The following ABCC2 variants were observed in gnomAD, a reference collection of about 807,000 sequenced individuals.
The protein encoded by ABCC2 is ATP binding cassette subfamily C member 2.
ABCC2 carries 157 observed loss-of-function variants against 173.4 expected under a neutral mutation model. The ratio of observed to expected loss-of-function variants is 0.91; its 90% CI spans 0.80 to 1.03. The LOEUF (loss-of-function observed/expected upper bound fraction) is 1.03. Among genes scored for constraint, ABCC2 ranks in the 50% least tolerant of loss-of-function variants. The probability of loss-of-function intolerance (pLI) is 0.00; values close to 1 mark genes in which losing one functional copy is unlikely to be tolerated. For missense variants in ABCC2, 1,822 were observed against 1,852.3 expected (o/e 0.98, Z 0.30); for synonymous variants, 657 against 693.5 (o/e 0.95, Z 0.83).
At chr10:99,799,735 G>T (rs1209741254) in intron 8 of ABCC2, among the ~76,000 whole-genome samples, 1 of 152,160 alleles carries the variant, frequency 6.6e-6, no homozygotes, top group Non-Finnish European at 1.5e-5. Flanking sequence ...GGAGGTTCAG[G>T]TTAATCTTGA....
chr10:99,844,211 G>A, intron 27 of ABCC2, 111 bp from the exon 28 acceptor site: 3 of 1,333,708 alleles, frequency 2.2e-6, no homozygotes, highest in Non-Finnish European at 3.2e-6. Flanking sequence ...AGGCCATTAG[G>A]TAGCTGGGAC....
intron 30 of ABCC2, among the ~76,000 whole-genome samples, chr10:99,849,472 A>T (rs931491861): frequency 1.8e-4 from 28 of 152,316 alleles, no homozygotes; most frequent in African/African-American, 6.7e-4. Flanking sequence ...AAGCTGAGAG[A>T]TGCTTAAATG....
intron 7 of ABCC2, among the ~76,000 whole-genome samples, 168 bp from the exon 8 acceptor site, chr10:99,799,039 G>C (rs2037967284): frequency 1.3e-5 from 2 of 152,088 alleles, no homozygotes; most frequent in Admixed American, 1.3e-4. Flanking sequence ...AGGAGCGGGA[G>C]AGTGGAACAG....
intron 14 of ABCC2, 30 bp from the exon 15 acceptor site, chr10:99,811,506 T>C (rs374867212): frequency 8.7e-6 from 14 of 1,612,618 alleles, no homozygotes; most frequent in East Asian, 2.2e-5. Context: ...GGGACCTACA[T>C]TGGACTAAAA....
chr10:99,802,147 C>T (rs891983256), intron 9 of ABCC2, among the ~76,000 whole-genome samples: 1 of 150,508 alleles, frequency 6.6e-6, no homozygotes, highest in African/African-American at 2.5e-5. Context: ...CCAGGTTTTG[C>T]AACTATTACA....
In ABCC2 at chr10:99,828,407, A is replaced by T. The variant is rs185391914; in HGVS notation, c.2621-1900A>T. On this transcript the variant is annotated intron_variant, in intron 19 of 31. Transcript: ENST00000647814. ...GGTTCTGTGTATGAGTTTCCTAATT[A>T]GCTGCCTTAACAACACATCACAAAC... Among the ~76,000 whole-genome samples the T allele has an allele frequency of 3.8e-3, 585 of 152,290 alleles. 3 individuals are homozygous for T. Among genetic ancestry groups the T allele is most frequent in the Admixed American group, 3.3e-3 (50 of 15,300 alleles).
chr10:99,833,376 G>T (rs139705295), intron 23 of ABCC2, among the ~76,000 whole-genome samples: 1 of 152,264 alleles, frequency 6.6e-6, no homozygotes, highest in African/African-American at 2.4e-5. Context: ...AGTTACTTAG[G>T]CAACAGTCAT....
rs774840563 is a variant in ABCC2 at position 99,808,064 on chromosome 10, A to G, written c.1669-19A>G. 16 of 1,613,782 alleles carry G rather than the reference A, an allele frequency of 9.9e-6. No individual in the cohort carries two copies. The highest frequency in any genetic ancestry group is 1.4e-5 in the Non-Finnish European group (16 of 1,179,836). On this transcript the variant is annotated intron_variant, in intron 12 of 31. Transcript: ENST00000647814. ...GGTCCCTTTTAGGAATAAATTGCTC[A>G]TGACCTTGCCCTTTCCAGGTATCTG...
Position 99,813,020 on chromosome 10 carries a change from T to G in ABCC2, c.1970T>G (p.Val657Gly), listed in dbSNP as rs780712119. 6.2e-7 allele frequency: 1 copy of G among 1,613,922 alleles called. No individual in the cohort carries two copies. The highest frequency in any genetic ancestry group is 8.5e-7 in the Non-Finnish European group (1 of 1,179,828). Residue 657 changes from valine to glycine, a missense_variant and splice_region_variant, in exon 16 of 32, where the codon GTG becomes GGG. Coordinates refer to ENST00000647814, the MANE Select transcript of ABCC2 (RefSeq NM_000392.5). Reference sequence around the variant, plus strand: ...TCAAAGACATTCCTGTCTTTCAGTGTGAACCTGGACATTATGGCAGGCCAA... The same window carrying G: ...TCAAAGACATTCCTGTCTTTCAGTGGGAACCTGGACATTATGGCAGGCCAA... Reference protein sequence around the residue: ...EHDSEATVRDVNLDIMAGQLV... With the variant: ...EHDSEATVRDGNLDIMAGQLV...
At chr10:99,797,429 T>A in intron 7 of ABCC2, 98 bp downstream of exon 7, 1 of 1,044,632 alleles carries the variant, frequency 9.6e-7, no homozygotes, top group Non-Finnish European at 1.5e-6. Context: ...TTATAGCACT[T>A]CATACTTCTC....
chr10:99,806,992 A>G (rs1263689143), intron 11 of ABCC2, among the ~76,000 whole-genome samples: 3 of 152,228 alleles, frequency 2.0e-5, no homozygotes, highest in Non-Finnish European at 4.4e-5. Context: ...AAAGTTTGGC[A>G]AGGTTCCCTT....
intron 2 of ABCC2, among the ~76,000 whole-genome samples, chr10:99,791,099 A>G (rs2037804360): frequency 6.6e-6 from 1 of 152,086 alleles, no homozygotes; most frequent in Non-Finnish European, 1.5e-5. Context: ...ACAAATACTG[A>G]TTGGCATTGT....
chr10:99,800,513 A>C lies in ABCC2; in HGVS notation c.1159A>C (p.Lys387Gln). The C allele has an allele frequency of 6.2e-7, 1 of 1,614,170 alleles. No individual in the cohort carries two copies. Among genetic ancestry groups the C allele is most frequent in the Non-Finnish European group, 8.5e-7 (1 of 1,180,036 alleles). The change falls in exon 9 of 32, where the codon AAG becomes CAG. Residue 387 changes from lysine to glutamine, a missense_variant. Coordinates refer to ENST00000647814, the MANE Select transcript of ABCC2 (RefSeq NM_000392.5). ...CLQCYFQLCFKLGVKVRTAIM... is the reference protein window; with the variant it reads ...CLQCYFQLCFQLGVKVRTAIM... ...TCAGTGTTATTTCCAACTGTGCTTC[A>C]AGCTGGGTGTAAAAGTACGGACAGC...
chr10:99,783,739 C>T (rs1482198774), intron 1 of ABCC2, among the ~76,000 whole-genome samples: 1 of 152,116 alleles, frequency 6.6e-6, no homozygotes, highest in Non-Finnish European at 1.5e-5. Flanking sequence ...TTAGAAAGGA[C>T]CTGGGTCCCA....
Position 99,843,790 on chromosome 10 carries a change from T to G in ABCC2, c.3742-9T>G, listed in dbSNP as rs757127168. ...TATGATGATTTTCAGTCTTCTGGTT[T>G]TTCTGTAGATCACACAAACCCTGAA... On this transcript the variant is annotated splice_polypyrimidine_tract_variant and intron_variant, in intron 26 of 31. Coordinates refer to ENST00000647814, the MANE Select transcript of ABCC2 (RefSeq NM_000392.5). 3.1e-6 allele frequency: 5 copies of G among 1,612,532 alleles called. No individual in the cohort carries two copies. The highest frequency in any genetic ancestry group is 4.2e-6 in the Non-Finnish European group (5 of 1,178,564).
intron 24 of ABCC2, 133 bp downstream of exon 24, chr10:99,834,668 A>C (rs2038790913): frequency 1.1e-5 from 12 of 1,096,698 alleles, no homozygotes; most frequent in Non-Finnish European, 1.7e-5. Flanking sequence ...CCATTTAGTC[A>C]TATGTTGACA....
In ABCC2 at chr10:99,784,765, T is replaced by G. The variant is rs1321894236; in HGVS notation, c.191T>G (p.Leu64Arg). ...ACCAAGAGATCCTCTACCACCAAAC[T>G]CTATCTTGCTAAGCAGGTAAAGTTA... ...SRTKRSSTTK[L>R]YLAKQVFVGF... The change falls in exon 2 of 32, where the codon CTC becomes CGC. Residue 64 changes from leucine (L) to arginine (R), a missense_variant. By Grantham distance (102) the Leu-to-Arg change is moderately radical. Coordinates refer to ENST00000647814, the MANE Select transcript of ABCC2 (RefSeq NM_000392.5). 1.2e-6 allele frequency: 2 copies of G among 1,613,988 alleles called. No homozygotes were observed. Among genetic ancestry groups the G allele is most frequent in the Non-Finnish European group, 1.7e-6 (2 of 1,180,018 alleles).
chr10:99,850,636 G>A lies in ABCC2; in HGVS notation c.4348G>A (p.Ala1450Thr), dbSNP rs56296335. The change falls in exon 31 of 32, where the codon GCT becomes ACT. Residue 1450 changes from alanine (A) to threonine (T), a missense_variant. Ala to Thr is a moderately conservative substitution (Grantham distance 58). Coordinates refer to ENST00000647814, the MANE Select transcript of ABCC2 (RefSeq NM_000392.5). ...GAGGCAGCTGCTGTGCCTGGGCAGG[G>A]CTCTGCTTCGGAAATCCAAGATCCT... is the stretch of plus-strand genomic sequence containing the variant. Reference protein sequence around the residue: ...GQRQLLCLGRALLRKSKILVL... With the variant: ...GQRQLLCLGRTLLRKSKILVL... 2 of 1,614,210 alleles carry A rather than the reference G, an allele frequency of 1.2e-6. No homozygotes were observed. Among genetic ancestry groups the A allele is most frequent in the Non-Finnish European group, 1.7e-6 (2 of 1,180,050 alleles).
intron 19 of ABCC2, among the ~76,000 whole-genome samples, chr10:99,820,763 A>G (rs1311644368): frequency 6.6e-6 from 1 of 152,198 alleles, no homozygotes; most frequent in Non-Finnish European, 1.5e-5. Context: ...GCTTTGCATC[A>G]GCCTTTATGT....
Sources: gnomAD v4.1 joint callset for allele counts (sites outside exome capture counted in the v4.1 genomes callset) on GRCh38, gnomAD v4.1.1 for gene constraint, MANE v1.5 for transcripts, NCBI Gene and HGNC (gene_info 2026-07-23, HGNC 2026-07-21) for gene names.